Variants in HS3ST4 observed in about 807,000 individuals in gnomAD.
The protein encoded by HS3ST4 is heparan sulfate glucosamine 3-O-sulfotransferase 4.
Under a neutral mutation model 29.2 loss-of-function variants are expected in HS3ST4, and 17 were observed. The ratio of observed to expected loss-of-function variants is 0.58; its 90% CI spans 0.40 to 0.87. HS3ST4 has a LOEUF of 0.87. Ranked by LOEUF, HS3ST4 falls within the 40% of genes least tolerant of loss-of-function variation. HS3ST4 has a pLI of 0.00. For missense variants in HS3ST4, 627 were observed against 634.5 expected, an observed-to-expected ratio of 0.99 and a Z score of 0.13; for synonymous variants, 314 against 285.7, an observed-to-expected ratio of 1.10 and a Z score of -1.00.
chr16:25,878,975 G>A (rs372539231), intron 1 of HS3ST4, among the ~76,000 whole-genome samples: 30 of 152,244 alleles, frequency 2.0e-4, no homozygotes, highest in African/African-American at 6.7e-4. Context: ...GGAAAAAACA[G>A]TTTCCTATGC....
At chr16:25,904,223 G>GATGGATGA (rs1453677411) in intron 1 of HS3ST4, among the ~76,000 whole-genome samples, 1 of 152,084 alleles carries the variant, frequency 6.6e-6, no homozygotes, top group Admixed American at 6.5e-5. Flanking sequence ...TGGACGGATG[G>GATGGATGA]ATGGATGAAT....
At chr16:26,099,995 G>A (rs896888816) in intron 1 of HS3ST4, among the ~76,000 whole-genome samples, 1 of 152,160 alleles carries the variant, frequency 6.6e-6, no homozygotes, top group African/African-American at 2.4e-5. Context: ...GCTATCTGGA[G>A]GAAGGGTCTT....
At chr16:25,796,632 G>A (rs906596028) in intron 1 of HS3ST4, among the ~76,000 whole-genome samples, 60 of 152,280 alleles carry the variant, frequency 3.9e-4, no homozygotes, top group African/African-American at 1.3e-3. Flanking sequence ...GGCTTTGCTC[G>A]GGAAGGAATT....
Position 26,100,036 on chromosome 16 carries a change from A to C in HS3ST4, c.735-35576A>C, listed in dbSNP as rs566473051. Among the ~76,000 whole-genome samples, 6 of 152,326 alleles carry C rather than the reference A, an allele frequency of 3.9e-5. No homozygotes were observed. In the South Asian group the frequency reaches 1.2e-3, roughly 32 times the overall value. On this transcript the variant is annotated intron_variant, in intron 1 of 1. Transcript: ENST00000331351. ...CTCTTACTTATCTAATTCTCACAACAGTGGAGCCTGGAAAGCATTATTAAT... is the reference window on the plus strand; with the variant it reads ...CTCTTACTTATCTAATTCTCACAACCGTGGAGCCTGGAAAGCATTATTAAT...
chr16:25,781,758 A>G (rs1966852829), intron 1 of HS3ST4, among the ~76,000 whole-genome samples: 2 of 152,198 alleles, frequency 1.3e-5, no homozygotes, highest in African/African-American at 4.8e-5. Context: ...AAAGTTTAGC[A>G]GTATTATTTC....
intron 1 of HS3ST4, among the ~76,000 whole-genome samples, chr16:25,833,905 C>G (rs1287669947): frequency 6.6e-6 from 1 of 152,148 alleles, no homozygotes; most frequent in Non-Finnish European, 1.5e-5. Context: ...GTAGGAGAAT[C>G]CAGATAACTG....
chr16:26,097,718 C>T (rs1459517701), intron 1 of HS3ST4, among the ~76,000 whole-genome samples: 5 of 152,084 alleles, frequency 3.3e-5, no homozygotes, highest in South Asian at 2.1e-4. Flanking sequence ...GCAACAAAAG[C>T]CAAAATAGAC....
chr16:25,711,599 C>T (rs1418446107), intron 1 of HS3ST4, among the ~76,000 whole-genome samples: 1 of 151,878 alleles, frequency 6.6e-6, no homozygotes, highest in African/African-American at 2.4e-5. Flanking sequence ...TTTTTTTAGC[C>T]ACCCCTCCCA....
intron 1 of HS3ST4, among the ~76,000 whole-genome samples, chr16:25,875,234 G>A (rs1356100355): frequency 6.6e-6 from 1 of 152,092 alleles, no homozygotes; most frequent in Non-Finnish European, 1.5e-5. Flanking sequence ...CCTTGTTCCT[G>A]TTACTTGTAT....
chr16:25,845,439 G>A (rs896095891), intron 1 of HS3ST4, among the ~76,000 whole-genome samples: 1 of 152,090 alleles, frequency 6.6e-6, no homozygotes, highest in Non-Finnish European at 1.5e-5. Flanking sequence ...AACCTGGGAG[G>A]TGGAGGTTGC....
chr16:25,836,201 A>G (rs1308989688), intron 1 of HS3ST4, among the ~76,000 whole-genome samples: 1 of 152,218 alleles, frequency 6.6e-6, no homozygotes, highest in Non-Finnish European at 1.5e-5. Context: ...TTACAAAAAA[A>G]TAAATTTCTG....
Position 25,698,657 on chromosome 16 carries a change from T to A in HS3ST4, c.734+5506T>A, listed in dbSNP as rs113503294. On this transcript the variant is annotated intron_variant, in intron 1 of 1. Transcript: ENST00000331351. ...GCAGAAATCCAAATAGAGTCTCAGC[T>A]ACCGAGTCTGTCCATTTCTCAAATC... Among the ~76,000 whole-genome samples the A allele has an allele frequency of 8.2e-3, 1,247 of 152,332 alleles. 13 individuals carry two copies. The highest frequency in any genetic ancestry group is 0.024 in the Middle Eastern group (7 of 294).
At chr16:25,888,054 A>G (rs1171842712) in intron 1 of HS3ST4, among the ~76,000 whole-genome samples, 1 of 152,140 alleles carries the variant, frequency 6.6e-6, no homozygotes, top group East Asian at 1.9e-4. Context: ...GACATCTTCC[A>G]TAATATGCCT....
intron 1 of HS3ST4, among the ~76,000 whole-genome samples, chr16:25,938,264 C>T (rs1056734258): frequency 6.6e-5 from 10 of 152,236 alleles, no homozygotes; most frequent in South Asian, 2.1e-4. Flanking sequence ...GAAAGCTCTC[C>T]GGAACAGCTG....
chr16:26,035,007 T>C (rs1216323661), intron 1 of HS3ST4, among the ~76,000 whole-genome samples: 1 of 152,012 alleles, frequency 6.6e-6, no homozygotes, highest in East Asian at 1.9e-4. Context: ...AACAAAAAAC[T>C]GATTTTGACC....
chr16:25,775,158 T>G (rs1966846449), intron 1 of HS3ST4, among the ~76,000 whole-genome samples: 1 of 152,202 alleles, frequency 6.6e-6, no homozygotes, highest in African/African-American at 2.4e-5. Flanking sequence ...TATGAAGACC[T>G]TGGCGACGCT....
chr16:25,955,356 C>A (rs1369438755), intron 1 of HS3ST4, among the ~76,000 whole-genome samples: 1 of 152,146 alleles, frequency 6.6e-6, no homozygotes, highest in Non-Finnish European at 1.5e-5. Flanking sequence ...TCGTCAGTTG[C>A]TTTATAGCCT....
intron 1 of HS3ST4, among the ~76,000 whole-genome samples, chr16:25,874,472 A>G (rs1326713913): frequency 6.6e-6 from 1 of 152,132 alleles, no homozygotes; most frequent in Non-Finnish European, 1.5e-5. Flanking sequence ...AAAAACAGAG[A>G]AAGACTCATG....
chr16:25,764,779 C>T (rs1022726312), intron 1 of HS3ST4, among the ~76,000 whole-genome samples: 1 of 152,124 alleles, frequency 6.6e-6, no homozygotes. Flanking sequence ...CTTTTTTGCA[C>T]CCTGCCATAT....
Sources: gnomAD v4.1 joint callset for allele counts (sites outside exome capture counted in the v4.1 genomes callset) on GRCh38, gnomAD v4.1.1 for gene constraint, MANE v1.5 for transcripts, NCBI Gene and HGNC (gene_info 2026-07-23, HGNC 2026-07-21) for gene names.